KIAA1217: variants seen among roughly 807,000 people sequenced by gnomAD.
KIAA1217 encodes the protein sickle tail protein homolog.
In KIAA1217, 88 loss-of-function variants were observed where a neutral mutation model predicts 163.9. The observed-to-expected ratio is 0.54, with a 90% confidence interval of 0.45 to 0.64. The LOEUF is 0.64. KIAA1217 is among the 30% of genes least tolerant of loss of function. The pLI, the probability that KIAA1217 is intolerant of heterozygous loss-of-function variation, is 0.00. For missense variants in KIAA1217, 2,372 were observed against 2,475.0 expected (o/e 0.96, Z 0.88); for synonymous variants, 903 against 923.1 (o/e 0.98, Z 0.39).
At chr10:24,493,775 T>G (rs1246868708) in intron 6 of KIAA1217, among the ~76,000 whole-genome samples, 2 of 152,166 alleles carry the variant, frequency 1.3e-5, no homozygotes, top group Non-Finnish European at 2.9e-5. Context: ...TGGGTTGTTT[T>G]GTTTTGTTTT....
At chr10:24,193,085 TA>T (rs796492609) in intron 2 of KIAA1217, among the ~76,000 whole-genome samples, 11 of 152,240 alleles carry the variant, frequency 7.2e-5, no homozygotes, top group African/African-American at 1.2e-4. Context: ...CCCAGTTAAT[TA>T]AAAAAAATTT....
intron 1 of KIAA1217, among the ~76,000 whole-genome samples, chr10:23,795,793 G>A (rs1345487940): frequency 6.6e-6 from 1 of 152,134 alleles, no homozygotes; most frequent in East Asian, 1.9e-4. Flanking sequence ...CTATATGATA[G>A]CAATTGGCAT....
At chr10:24,234,004 G>A (rs2071823515) in intron 2 of KIAA1217, among the ~76,000 whole-genome samples, 1 of 152,012 alleles carries the variant, frequency 6.6e-6, no homozygotes, top group Non-Finnish European at 1.5e-5. Flanking sequence ...TTTAGTGTCT[G>A]TTAACTTTTT....
intron 1 of KIAA1217, among the ~76,000 whole-genome samples, chr10:24,212,877 AG>A (rs2068325616): frequency 1.3e-5 from 2 of 152,222 alleles, no homozygotes; most frequent in Admixed American, 1.3e-4. Context: ...TGGGCACTGT[AG>A]AAGGCACTCA....
chr10:24,456,894 G>T lies in KIAA1217; in HGVS notation c.847-16334G>T, dbSNP rs144331005. Among the ~76,000 whole-genome samples, 1,293 of 151,876 alleles carry T rather than the reference G, an allele frequency of 8.5e-3. 25 individuals carry two copies. The highest frequency in any genetic ancestry group is 0.03 in the African/African-American group (1,229 of 41,428). ...ATTTTTGTGTTTTTAGTAGAGTCAG[G>T]TTTCACCACGTTGGCCAGGCTGCTC... On this transcript the variant is annotated intron_variant, in intron 5 of 20. Coordinates refer to ENST00000376454, the MANE Select transcript of KIAA1217 (RefSeq NM_019590.5).
intron 2 of KIAA1217, among the ~76,000 whole-genome samples, chr10:24,153,180 A>C (rs1028259795): frequency 5.3e-5 from 8 of 152,230 alleles, no homozygotes; most frequent in Non-Finnish European, 1.5e-5. Flanking sequence ...GATTGGCTAC[A>C]GCTGGTCTTG....
intron 1 of KIAA1217, among the ~76,000 whole-genome samples, chr10:23,832,469 A>C (rs113025663): frequency 6.6e-6 from 1 of 152,086 alleles, no homozygotes; most frequent in East Asian, 1.9e-4. Flanking sequence ...GTTTGATTAC[A>C]TCACTGGCCA....
chr10:24,382,017 CTTT>C (rs111726524), intron 3 of KIAA1217, among the ~76,000 whole-genome samples: 2 of 142,114 alleles, frequency 1.4e-5, no homozygotes, highest in Non-Finnish European at 1.5e-5. Context: ...GTATCATTTC[CTTT>C]TTTTTTTTTT....
rs142355721 is a variant in KIAA1217, at chr10:24,324,536, C to A, written c.355-56333C>A. Among the ~76,000 whole-genome samples, 164 of 152,274 alleles carry A rather than the reference C, an allele frequency of 1.1e-3. 2 individuals carry two copies. Among genetic ancestry groups the A allele is most frequent in the African/African-American group, 3.7e-3 (155 of 41,556 alleles). ...GAGCCAAGATCCTGTCACTGCGCTC[C>A]ATCCTGGGCAACAGAGCAAGACTTC... is the stretch of plus-strand genomic sequence containing the variant. On this transcript the variant is annotated intron_variant, in intron 2 of 20. Transcript: ENST00000376454.
In KIAA1217 at chr10:24,149,949, G is replaced by A. The variant is rs554634447; in HGVS notation, c.-170-69677G>A. On this transcript the variant is annotated intron_variant, in intron 2 of 18. Transcript: ENST00000376462. ...GAAGACAATAAAATGATGTAAAATT[G>A]AGCCAGATGTGAAAGGAAAAACAAT... is the stretch of plus-strand genomic sequence containing the variant. Among the ~76,000 whole-genome samples, 7 of 152,222 alleles carry A rather than the reference G, an allele frequency of 4.6e-5. No individual in the cohort carries two copies. In the East Asian group the frequency reaches 1.2e-3, roughly 25 times the overall value.
intron 1 of KIAA1217, among the ~76,000 whole-genome samples, chr10:23,872,049 C>G (rs947867097): frequency 6.6e-6 from 1 of 152,154 alleles, no homozygotes; most frequent in Non-Finnish European, 1.5e-5. Context: ...GTTTATGAAT[C>G]TTTATATGAT....
chr10:24,100,677 A>G (rs1179901040), intron 2 of KIAA1217, among the ~76,000 whole-genome samples: 2 of 152,162 alleles, frequency 1.3e-5, no homozygotes, highest in African/African-American at 2.4e-5. Flanking sequence ...AATATTATCA[A>G]CTTTTCCCTT....
intron 2 of KIAA1217, among the ~76,000 whole-genome samples, chr10:24,148,752 G>GT (rs1053359565): frequency 4.6e-5 from 7 of 152,150 alleles, no homozygotes; most frequent in Non-Finnish European, 1.0e-4. Context: ...TAAGCCCTCT[G>GT]TTTTTTTACA....
At chr10:24,513,141 A>C in intron 9 of KIAA1217, 118 bp from the exon 10 acceptor site, 3 of 863,164 alleles carry the variant, frequency 3.5e-6, no homozygotes, top group Non-Finnish European at 5.5e-6. Context: ...TCATTGAAAT[A>C]AGTAAAGATT....
At chr10:24,000,931 G>A (rs1354223951) in intron 1 of KIAA1217, among the ~76,000 whole-genome samples, 1 of 152,236 alleles carries the variant, frequency 6.6e-6, no homozygotes, top group Non-Finnish European at 1.5e-5. Context: ...GGGGGAAAAT[G>A]TGTGGACTCT....
At chr10:24,095,204 C>T (rs933488867) in intron 2 of KIAA1217, among the ~76,000 whole-genome samples, 13 of 152,330 alleles carry the variant, frequency 8.5e-5, no homozygotes, top group South Asian at 6.2e-4. Context: ...GGCAATGCCT[C>T]GCCCTGCTTC....
chr10:24,107,658 T>C (rs139673062), intron 2 of KIAA1217, among the ~76,000 whole-genome samples: 171 of 152,356 alleles, frequency 1.1e-3, no homozygotes, highest in African/African-American at 3.2e-3. Flanking sequence ...TTTTTTCATA[T>C]GCTTGTTGGC....
At chr10:23,830,537 C>T (rs148838243) in intron 1 of KIAA1217, among the ~76,000 whole-genome samples, 1 of 152,156 alleles carries the variant, frequency 6.6e-6, no homozygotes, top group East Asian at 1.9e-4. Context: ...CTCCTAGCTT[C>T]AGTAGTTGAT....
intron 2 of KIAA1217, among the ~76,000 whole-genome samples, chr10:24,347,815 T>C (rs2047978043): frequency 6.6e-6 from 1 of 152,192 alleles, no homozygotes; most frequent in South Asian, 2.1e-4. Flanking sequence ...AAAAAATGCA[T>C]ATATTTAAGG....
Sources: gnomAD v4.1 joint callset for allele counts (sites outside exome capture counted in the v4.1 genomes callset) on GRCh38, gnomAD v4.1.1 for gene constraint, MANE v1.5 for transcripts, NCBI Gene and HGNC (gene_info 2026-07-23, HGNC 2026-07-21) for gene names.